Variants in TMTC2 observed in about 807,000 individuals in gnomAD.
The protein encoded by TMTC2 is transmembrane O-mannosyltransferase targeting cadherins 2, also known as protein O-mannosyl-transferase TMTC2.
In TMTC2, 43 loss-of-function variants were observed where a neutral mutation model predicts 82.4. The observed-to-expected ratio is 0.52, with a 90% confidence interval of 0.41 to 0.67. The LOEUF (loss-of-function observed/expected upper bound fraction) is 0.67. TMTC2 is among the 30% of genes least tolerant of loss of function. The pLI, the probability that TMTC2 is intolerant of heterozygous loss-of-function variation, is 0.00. For missense variants in TMTC2, 919 were observed against 1,012.4 expected (o/e 0.91, Z 1.25); for synonymous variants, 408 against 381.9 (o/e 1.07, Z -0.80).
intron 11 of TMTC2, among the ~76,000 whole-genome samples, chr12:83,099,949 T>C (rs1289315341): frequency 6.6e-6 from 1 of 151,630 alleles, no homozygotes; most frequent in Non-Finnish European, 1.5e-5. Flanking sequence ...GGAGTCTCTC[T>C]CCGTCACCCA....
At position 82,896,501 on chromosome 12, in the gene TMTC2, C is replaced by T. The variant is rs767096640; in HGVS notation, c.1338C>T (p.Val446=). 12 of 1,614,110 alleles carry T rather than the reference C, an allele frequency of 7.4e-6. No homozygotes were observed. Among genetic ancestry groups the T allele is most frequent in the Non-Finnish European group, 1.0e-5 (12 of 1,180,026 alleles). The change falls in exon 3 of 12, where the codon GTC becomes GTT. Residue 446 remains valine (V), a synonymous_variant. Transcript: ENST00000321196. The part of the protein sequence containing the change: ...TVGARALYVK[V]QKRFLKSLIF... The stretch of plus-strand genomic sequence containing the variant: ...GTGCTAGAGCCCTTTATGTCAAAGT[C>T]CAAAAGCGGTTCCTCAAGAGCTTGA...
intron 11 of TMTC2, among the ~76,000 whole-genome samples, chr12:83,126,703 T>G (rs1565897893): frequency 6.6e-6 from 1 of 152,040 alleles, no homozygotes. Context: ...CCAAGATAAT[T>G]TATATAGTTT....
Position 82,776,557 on chromosome 12 carries a change from A to G in TMTC2, c.84-80453A>G, listed in dbSNP as rs899187726. 3.3e-5 allele frequency among the ~76,000 whole-genome samples: 5 copies of G among 149,728 alleles called. 1 individual carries two copies. The highest frequency in any genetic ancestry group is 5.9e-5 in the Non-Finnish European group (4 of 67,516). On this transcript the variant is annotated intron_variant, in intron 1 of 11. Coordinates refer to ENST00000321196, the MANE Select transcript of TMTC2 (RefSeq NM_152588.3). ...AGGCCAAGGTGGGAGAATCACTTTA[A>G]CCCAGGTGTCCAGGTGTTTGAGACC...
At chr12:82,866,265 A>C (rs1487635773) in intron 2 of TMTC2, among the ~76,000 whole-genome samples, 3 of 150,638 alleles carry the variant, frequency 2.0e-5, no homozygotes, top group Non-Finnish European at 3.0e-5. Context: ...AAAAAAAAAC[A>C]AAAAACTTTC....
At chr12:83,089,567 A>G (rs1883772157) in intron 11 of TMTC2, among the ~76,000 whole-genome samples, 1 of 152,202 alleles carries the variant, frequency 6.6e-6, no homozygotes, top group African/African-American at 2.4e-5. Flanking sequence ...CCCGAAACTA[A>G]ACCAAACAAA....
chr12:82,927,183 A>G (rs371692589), intron 3 of TMTC2, among the ~76,000 whole-genome samples: 4 of 152,218 alleles, frequency 2.6e-5, no homozygotes, highest in African/African-American at 7.2e-5. Context: ...TCTAGATGCC[A>G]TTCAGAACAT....
chr12:83,099,367 T>C (rs930592406), intron 11 of TMTC2, among the ~76,000 whole-genome samples: 4 of 152,136 alleles, frequency 2.6e-5, no homozygotes, highest in Admixed American at 6.5e-5. Context: ...TTTTGTATAA[T>C]AAAATTCTTA....
chr12:83,048,324 A>G (rs998026454), intron 9 of TMTC2, among the ~76,000 whole-genome samples: 1 of 152,166 alleles, frequency 6.6e-6, no homozygotes, highest in Non-Finnish European at 1.5e-5. Context: ...TTCATTTCAT[A>G]TCTGTATCTG....
intron 4 of TMTC2, among the ~76,000 whole-genome samples, chr12:82,946,961 C>T (rs566463098): frequency 3.7e-4 from 57 of 152,130 alleles, no homozygotes; most frequent in African/African-American, 1.3e-3. Context: ...CCAAGATGGT[C>T]TCGATCTCCT....
chr12:83,047,741 T>C lies in TMTC2; in HGVS notation c.2153-3163T>C, dbSNP rs561524999. Among the ~76,000 whole-genome samples the C allele has an allele frequency of 7.2e-5, 11 of 152,356 alleles. No individual in the cohort carries two copies. The East Asian group carries it at 2.1e-3, about 29-fold the overall frequency. On this transcript the variant is annotated intron_variant, in intron 9 of 11. Transcript: ENST00000321196. The stretch of plus-strand genomic sequence containing the variant: ...ACCCTACTAAAAATTATATGTTCCA[T>C]GTAGTTTTTGGAAATTGTTTACAAA...
intron 2 of TMTC2, among the ~76,000 whole-genome samples, chr12:82,881,331 G>C (rs1054046519): frequency 2.0e-5 from 3 of 152,182 alleles, no homozygotes; most frequent in African/African-American, 7.2e-5. Context: ...ATCTTACCGT[G>C]AATTTGTGTA....
At chr12:82,719,280 G>A (rs1224197535) in intron 1 of TMTC2, among the ~76,000 whole-genome samples, 20 of 151,392 alleles carry the variant, frequency 1.3e-4, no homozygotes, top group Admixed American at 9.2e-4. Flanking sequence ...TTTCAGTAGA[G>A]ACGGGGTTTC....
At chr12:83,018,733 C>G (rs187054903) in intron 8 of TMTC2, among the ~76,000 whole-genome samples, 1 of 150,848 alleles carries the variant, frequency 6.6e-6, no homozygotes, top group East Asian at 1.9e-4. Flanking sequence ...CTGAGTATCA[C>G]TCAGGTCTCA....
At chr12:82,974,926 A>G (rs1878604280) in intron 7 of TMTC2, among the ~76,000 whole-genome samples, 1 of 152,112 alleles carries the variant, frequency 6.6e-6, no homozygotes, top group African/African-American at 2.4e-5. Flanking sequence ...AGGATCTTCA[A>G]GGGAGACGGG....
intron 10 of TMTC2, among the ~76,000 whole-genome samples, chr12:83,055,918 T>A (rs1166247164): frequency 6.6e-6 from 1 of 151,996 alleles, no homozygotes; most frequent in Non-Finnish European, 1.5e-5. Context: ...AGACTCAAAG[T>A]CAATACTCTT....
At chr12:82,733,673 A>G (rs577757958) in intron 1 of TMTC2, among the ~76,000 whole-genome samples, 2 of 152,356 alleles carry the variant, frequency 1.3e-5, no homozygotes, top group Admixed American at 6.5e-5. Flanking sequence ...CAGCAAAGGA[A>G]AAACTGGAAA....
chr12:82,953,927 A>T (rs1877480987), intron 4 of TMTC2, among the ~76,000 whole-genome samples: 1 of 152,208 alleles, frequency 6.6e-6, no homozygotes, highest in Non-Finnish European at 1.5e-5. Flanking sequence ...CTTTTAGTTT[A>T]AAATGAACAT....
chr12:82,877,195 A>G (rs11115469), intron 2 of TMTC2, among the ~76,000 whole-genome samples: 28,279 of 152,176 alleles, frequency 0.19, 6,135 homozygotes, highest in African/African-American at 0.53. Flanking sequence ...TTACTACAAC[A>G]GTAAACTAGG....
At chr12:82,927,314 GGTCGTGGA>G (rs1388591788) in intron 3 of TMTC2, among the ~76,000 whole-genome samples, 4 of 152,188 alleles carry the variant, frequency 2.6e-5, no homozygotes, top group Admixed American at 6.5e-5. Context: ...AAACTGCAGA[GGTCGTGGA>G]GAGAGCAAGA....
Sources: allele counts gnomAD v4.1 joint callset (sites outside exome capture counted in the v4.1 genomes callset), GRCh38; gene constraint gnomAD v4.1.1; transcripts MANE v1.5; gene names NCBI Gene and HGNC (gene_info 2026-07-23, HGNC 2026-07-21).